STRN: variants seen among roughly 807,000 people sequenced by gnomAD.
STRN encodes the protein protein phosphatase 2 regulatory subunit B'''alpha.
A neutral mutation model predicts 96.3 loss-of-function variants in STRN; 53 were observed. The observed-to-expected ratio is 0.55, with a 90% confidence interval of 0.44 to 0.69. The LOEUF is 0.69. STRN is among the 30% of genes least tolerant of loss of function. STRN has a pLI of 0.00. For missense variants in STRN, 987 were observed against 963.9 expected, an observed-to-expected ratio of 1.02 and a Z score of -0.32; for synonymous variants, 428 against 355.9, an observed-to-expected ratio of 1.20 and a Z score of -2.28.
In STRN at chr2:36,838,929, A is replaced by G. The variant is rs1215919118; in HGVS notation, c.*10527T>C. On this transcript the variant is annotated 3_prime_UTR_variant, in exon 18 of 18. Transcript: ENST00000263918. ...ACCAAAATATCTTCTCATTAACGTTAGACTGTATATGTTTACTGATAAATT... is the reference window on the plus strand; with the variant it reads ...ACCAAAATATCTTCTCATTAACGTTGGACTGTATATGTTTACTGATAAATT... Among the ~76,000 whole-genome samples, 1 of 152,192 alleles carries G rather than the reference A, an allele frequency of 6.6e-6. No individual in the cohort carries two copies. The highest frequency in any genetic ancestry group is 2.4e-5 in the African/African-American group (1 of 41,438).
intron 1 of STRN, among the ~76,000 whole-genome samples, chr2:36,964,292 A>C (rs2148285796): frequency 6.6e-6 from 1 of 151,080 alleles, no homozygotes; most frequent in Non-Finnish European, 1.5e-5. Flanking sequence ...TTTTAACCAA[A>C]TTAGTGTGAG....
At chr2:36,913,626 T>A (rs1258806329) in intron 3 of STRN, among the ~76,000 whole-genome samples, 1 of 152,218 alleles carries the variant, frequency 6.6e-6, no homozygotes, top group Non-Finnish European at 1.5e-5. Flanking sequence ...CTATCTTCCC[T>A]ATAAAAATCC....
At chr2:36,944,393 C>CAT (rs1234042539) in intron 1 of STRN, among the ~76,000 whole-genome samples, 15 of 152,214 alleles carry the variant, frequency 9.9e-5, no homozygotes, top group South Asian at 2.1e-4. Flanking sequence ...TTGGTAATCT[C>CAT]ATATAAACAA....
At chr2:36,946,541 G>A (rs966117624) in intron 1 of STRN, among the ~76,000 whole-genome samples, 7 of 152,116 alleles carry the variant, frequency 4.6e-5, no homozygotes, top group East Asian at 1.9e-4. Context: ...CAAGGTAAGC[G>A]CAAGCTCAAT....
At chr2:36,921,055 C>A (rs1180922654) in intron 2 of STRN, among the ~76,000 whole-genome samples, 1 of 151,498 alleles carries the variant, frequency 6.6e-6, no homozygotes, top group African/African-American at 2.4e-5. Context: ...AGCCTGGTGA[C>A]AGAGCAAGGC....
At position 36,844,543 on chromosome 2, in the gene STRN, G is replaced by C. The variant is rs565471492; in HGVS notation, c.*4913C>G. ...GCATCAGAGAGATGACAAGCATGTG[G>C]TCCTGGTTAAATTAAATCTAAAGCT... On this transcript the variant is annotated 3_prime_UTR_variant, in exon 18 of 18. Transcript: ENST00000263918. 1 of 152,056 alleles carries C rather than the reference G, an allele frequency of 6.6e-6. No individual in the cohort carries two copies. 9.4% of individuals were successfully genotyped at this position (152,056 alleles called of 1,614,324 possible).
chr2:36,886,914 T>C (rs1669247377), intron 7 of STRN, 88 bp from the exon 8 acceptor site: 1 of 1,002,930 alleles, frequency 1.0e-6, no homozygotes. Context: ...TAACAACCAC[T>C]TTCTTTATAG....
intron 5 of STRN, among the ~76,000 whole-genome samples, chr2:36,901,984 A>T (rs1012093487): frequency 6.6e-5 from 10 of 152,134 alleles, no homozygotes; most frequent in Non-Finnish European, 1.3e-4. Context: ...AATCACGGAA[A>T]TTTTTTCCCA....
At chr2:36,939,123 T>A (rs867804234) in intron 1 of STRN, among the ~76,000 whole-genome samples, 1 of 152,054 alleles carries the variant, frequency 6.6e-6, no homozygotes, top group African/African-American at 2.4e-5. Context: ...GTAGCTGGAA[T>A]TACAGGCACG....
rs533983602 is a variant in STRN at position 36,935,664 on chromosome 2, C to T, written c.235-10456G>A. Among the ~76,000 whole-genome samples the T allele has an allele frequency of 9.8e-5, 15 of 152,296 alleles. No individual in the cohort carries two copies. The South Asian group carries it at 3.1e-3, about 32-fold the overall frequency. ...ACAAAAAGCGGATTTTTGCATTCTA[C>T]TAGATTATAAATCTGCTGAGGACAA... On this transcript the variant is annotated intron_variant, in intron 1 of 17. Coordinates refer to ENST00000263918, the MANE Select transcript of STRN (RefSeq NM_003162.4).
At chr2:36,943,302 C>T (rs1670891993) in intron 1 of STRN, among the ~76,000 whole-genome samples, 2 of 151,874 alleles carry the variant, frequency 1.3e-5, no homozygotes, top group Admixed American at 1.3e-4. Flanking sequence ...CCCTTCTCAA[C>T]TTTCTTGTAT....
chr2:36,843,722 A>C lies in STRN; in HGVS notation c.*5734T>G, dbSNP rs1667999483. 1 of 152,260 alleles carries C rather than the reference A, an allele frequency of 6.6e-6. No individual in the cohort carries two copies. Among genetic ancestry groups the C allele is most frequent in the Non-Finnish European group, 1.5e-5 (1 of 68,102 alleles). 9.4% of individuals were successfully genotyped at this position (152,260 alleles called of 1,614,324 possible). On this transcript the variant is annotated 3_prime_UTR_variant, in exon 18 of 18. Coordinates refer to ENST00000263918, the MANE Select transcript of STRN (RefSeq NM_003162.4). The stretch of plus-strand genomic sequence containing the variant: ...GCCCCAAATCAGACTATGTTAATTT[A>C]ACTGATTACTGTAAAGCCACAGCTA...
intron 9 of STRN, among the ~76,000 whole-genome samples, chr2:36,882,226 T>C (rs994383709): frequency 2.0e-5 from 3 of 152,186 alleles, no homozygotes; most frequent in African/African-American, 7.2e-5. Context: ...ATGCTGTGGC[T>C]TTTTCTCAGG....
At chr2:36,893,330 G>C (rs1669449811) in intron 7 of STRN, among the ~76,000 whole-genome samples, 1 of 151,708 alleles carries the variant, frequency 6.6e-6, no homozygotes, top group Non-Finnish European at 1.5e-5. Context: ...AACGATTTAT[G>C]CACAACATTT....
At chr2:36,852,696 A>G (rs1668249491) in intron 15 of STRN, among the ~76,000 whole-genome samples, 1 of 152,198 alleles carries the variant, frequency 6.6e-6, no homozygotes, top group South Asian at 2.1e-4. Context: ...AATTTTTTGA[A>G]CCCTAGAATA....
intron 12 of STRN, among the ~76,000 whole-genome samples, chr2:36,862,706 C>T (rs533432088): frequency 1.7e-4 from 25 of 148,226 alleles, no homozygotes; most frequent in East Asian, 5.8e-4. Flanking sequence ...CTGTTCACGT[C>T]CTTTGCCCAC....
intron 1 of STRN, among the ~76,000 whole-genome samples, chr2:36,959,252 T>C (rs894144473): frequency 6.6e-6 from 1 of 152,112 alleles, no homozygotes; most frequent in African/African-American, 2.4e-5. Context: ...ATGCCTGTTA[T>C]CTAAAAAAAA....
chr2:36,909,490 C>T (rs1669910538), intron 3 of STRN, among the ~76,000 whole-genome samples: 1 of 151,980 alleles, frequency 6.6e-6, no homozygotes, highest in South Asian at 2.1e-4. Flanking sequence ...AAACACTGGA[C>T]ACCATGCAAC....
chr2:36,923,000 G>C (rs1416215538), intron 2 of STRN, among the ~76,000 whole-genome samples: 5 of 151,922 alleles, frequency 3.3e-5, no homozygotes, highest in African/African-American at 1.2e-4. Context: ...AAATTAGCTG[G>C]GCATGGTGGC....
Sources: allele counts gnomAD v4.1 joint callset (sites outside exome capture counted in the v4.1 genomes callset), GRCh38; gene constraint gnomAD v4.1.1; transcripts MANE v1.5; gene names NCBI Gene and HGNC (gene_info 2026-07-23, HGNC 2026-07-21).